PRKG2: variants seen among roughly 807,000 people sequenced by gnomAD.
PRKG2 encodes cGMP-dependent protein kinase 2.
In PRKG2, 33 loss-of-function variants were observed where a neutral mutation model predicts 97.2. The observed-to-expected ratio is 0.34, with a 90% CI of 0.26 to 0.45. The LOEUF (loss-of-function observed/expected upper bound fraction) is 0.45. PRKG2 is among the 20% of genes least tolerant of loss of function. The pLI, the probability that PRKG2 is intolerant of heterozygous loss-of-function variation, is 1.00. For missense variants in PRKG2, 638 were observed against 900.0 expected (o/e 0.71, Z 3.73); for synonymous variants, 330 against 321.8 (o/e 1.03, Z -0.27).
chr4:81,112,803 T>C (rs930700208), intron 14 of PRKG2, among the ~76,000 whole-genome samples: 1 of 152,224 alleles, frequency 6.6e-6, no homozygotes, highest in Non-Finnish European at 1.5e-5. Flanking sequence ...AAGTTTTGTA[T>C]ATTTTCTATA....
intron 6 of PRKG2, among the ~76,000 whole-genome samples, chr4:81,163,430 CT>C (rs560247273): frequency 5.1e-4 from 77 of 152,304 alleles, no homozygotes; most frequent in African/African-American, 1.8e-3. Context: ...TGTTTTAATT[CT>C]GACCAACAGT....
intron 3 of PRKG2, 73 bp downstream of exon 3, chr4:81,174,720 T>A: frequency 7.0e-7 from 1 of 1,421,108 alleles, no homozygotes; most frequent in Non-Finnish European, 9.6e-7. Context: ...GTTTTATGTT[T>A]TTATAAATGT....
chr4:81,213,217 T>C (rs1319645221), intron 1 of PRKG2, among the ~76,000 whole-genome samples: 9 of 152,144 alleles, frequency 5.9e-5, no homozygotes, highest in African/African-American at 1.7e-4. Context: ...AGGGAAGAGA[T>C]TGCTCCATAG....
chr4:81,164,742 A>C (rs953230122), intron 6 of PRKG2, among the ~76,000 whole-genome samples: 20 of 152,128 alleles, frequency 1.3e-4, no homozygotes, highest in Non-Finnish European at 7.4e-5. Context: ...GACTAAGGGC[A>C]AAGGTGCTCC....
intron 1 of PRKG2, among the ~76,000 whole-genome samples, chr4:81,214,638 C>T (rs905024909): frequency 3.3e-5 from 5 of 152,176 alleles, no homozygotes; most frequent in African/African-American, 1.2e-4. Context: ...CTCGCTAAAC[C>T]TAGAGAACCC....
At chr4:81,128,392 T>C (rs1745819289) in intron 14 of PRKG2, among the ~76,000 whole-genome samples, 1 of 152,212 alleles carries the variant, frequency 6.6e-6, no homozygotes, top group Admixed American at 6.5e-5. Flanking sequence ...TTTGGAATAG[T>C]TTCAGAAGGA....
intron 6 of PRKG2, chr4:81,153,967 G>T (rs2110061611): frequency 3.2e-6 from 1 of 312,422 alleles, no homozygotes; most frequent in East Asian, 6.3e-5. Flanking sequence ...AGCACAAGGG[G>T]TCAGGGAGTT....
chr4:81,101,955 A>G (rs1742846509), intron 17 of PRKG2, among the ~76,000 whole-genome samples: 1 of 152,164 alleles, frequency 6.6e-6, no homozygotes, highest in African/African-American at 2.4e-5. Flanking sequence ...TTGGAGAGAA[A>G]GATCAAGTTT....
intron 14 of PRKG2, among the ~76,000 whole-genome samples, chr4:81,114,396 G>A (rs2109988936): frequency 6.6e-6 from 1 of 152,154 alleles, no homozygotes; most frequent in African/African-American, 2.4e-5. Flanking sequence ...GGTTTAGGAA[G>A]GTCATGGATA....
Position 81,089,638 on chromosome 4 carries a change from T to C in PRKG2, c.*70A>G, listed in dbSNP as rs1414833598. On this transcript the variant is annotated 3_prime_UTR_variant, in exon 19 of 19. Coordinates refer to ENST00000264399, the MANE Select transcript of PRKG2 (RefSeq NM_006259.3). The stretch of plus-strand genomic sequence containing the variant: ...ATATTATAATACTCTGAAAAGAAAA[T>C]AATGTGTTGGATTATTGATCCTTGA... 8.7e-7 allele frequency: 1 copy of C among 1,155,852 alleles called. No individual in the cohort carries two copies. Among genetic ancestry groups the C allele is most frequent in the Non-Finnish European group, 1.3e-6 (1 of 792,090 alleles). 71.6% of individuals were successfully genotyped at this position (1,155,852 alleles called of 1,614,324 possible).
chr4:81,106,439 T>C (rs1050567944), intron 15 of PRKG2, among the ~76,000 whole-genome samples: 4 of 152,022 alleles, frequency 2.6e-5, no homozygotes, highest in African/African-American at 4.8e-5. Context: ...GGGGAGTACA[T>C]AGATGAGGAC....
intron 1 of PRKG2, among the ~76,000 whole-genome samples, chr4:81,209,801 T>C (rs1033504874): frequency 2.0e-5 from 3 of 152,174 alleles, no homozygotes; most frequent in Admixed American, 2.0e-4. Context: ...GAACTGATAC[T>C]GTCCAACTTT....
intron 6 of PRKG2, among the ~76,000 whole-genome samples, chr4:81,162,192 C>A (rs1303932817): frequency 1.3e-5 from 2 of 152,046 alleles, no homozygotes; most frequent in African/African-American, 4.8e-5. Flanking sequence ...ATCTAAAGTA[C>A]CTGATGGAAT....
intron 1 of PRKG2, among the ~76,000 whole-genome samples, chr4:81,208,235 A>G (rs1163750222): frequency 6.6e-6 from 1 of 152,196 alleles, no homozygotes. Flanking sequence ...TACTATGATT[A>G]TTACGTTTGT....
At chr4:81,189,066 T>TAAAATAAAAAAAAAAAAAAA (rs1752192390) in intron 2 of PRKG2, among the ~76,000 whole-genome samples, 12 of 17,052 alleles carry the variant, frequency 7.0e-4, no homozygotes, top group African/African-American at 1.6e-3. Context: ...AAAAAAATAA[T>TAAAATAAAAAAAAAAAAAAA]AAAAAAAAAA....
intron 6 of PRKG2, among the ~76,000 whole-genome samples, chr4:81,156,093 C>T (rs1160965560): frequency 1.1e-4 from 17 of 148,564 alleles, no homozygotes; most frequent in South Asian, 6.5e-4. Flanking sequence ...TAACTTTAAA[C>T]GTAAATGGAC....
chr4:81,150,176 T>C (rs1272852399), intron 8 of PRKG2, among the ~76,000 whole-genome samples: 2 of 152,150 alleles, frequency 1.3e-5, no homozygotes, highest in Admixed American at 1.3e-4. Flanking sequence ...TGATCTTGAT[T>C]GTAGGCCAAC....
chr4:81,216,446 G>T (rs957553523), upstream of PRKG2, among the ~76,000 whole-genome samples: 2 of 152,094 alleles, frequency 1.3e-5, no homozygotes, highest in African/African-American at 4.8e-5. Context: ...GTATGTCACT[G>T]TAATAATGGA....
intron 14 of PRKG2, among the ~76,000 whole-genome samples, chr4:81,115,159 C>G (rs1017910363): frequency 6.6e-6 from 1 of 152,050 alleles, no homozygotes; most frequent in Non-Finnish European, 1.5e-5. Context: ...GTCAAAGACA[C>G]GGTTTCTCCA....
Sources: gnomAD v4.1 joint callset for allele counts (sites outside exome capture counted in the v4.1 genomes callset) on GRCh38, gnomAD v4.1.1 for gene constraint, MANE v1.5 for transcripts, NCBI Gene and HGNC (gene_info 2026-07-23, HGNC 2026-07-21) for gene names.